MXRA8: variants seen among roughly 807,000 people sequenced by gnomAD.
The protein encoded by MXRA8 is matrix remodeling associated 8.
Under a neutral mutation model 51.4 loss-of-function variants are expected in MXRA8, and 44 were observed. The ratio of observed to expected loss-of-function variants is 0.86; its 90% CI spans 0.67 to 1.10. The LOEUF (loss-of-function observed/expected upper bound fraction) is 1.10, where lower values mean the gene tolerates loss of function less well. Ranked by LOEUF, MXRA8 falls within the 50% of genes least tolerant of loss-of-function variation. The probability of loss-of-function intolerance (pLI) is 0.00; values close to 1 mark genes in which losing one functional copy is unlikely to be tolerated. For missense variants in MXRA8, 765 were observed against 638.9 expected (o/e 1.20, Z -2.13); for synonymous variants, 369 against 293.5 (o/e 1.26, Z -2.63).
At chr1:1,361,189 G>C (rs753093886), upstream of MXRA8, 4 of 702,972 alleles carry the variant, frequency 5.7e-6, no homozygotes, top group African/African-American at 1.7e-5. Context: ...TCCACACACA[G>C]AAACAGAGAC....
upstream of MXRA8, chr1:1,359,072 G>C (rs909718807): frequency 1.0e-6 from 1 of 985,328 alleles, no homozygotes; most frequent in Admixed American, 6.1e-5. Context: ...CTTGGTACCC[G>C]TCTCCTCTGG....
At chr1:1,357,321 A>G (rs1169557330) in intron 1 of MXRA8, among the ~76,000 whole-genome samples, 1 of 152,140 alleles carries the variant, frequency 6.6e-6, no homozygotes, top group African/African-American at 2.4e-5. Flanking sequence ...CACCCGGGAC[A>G]GTTTCCAATT....
At chr1:1,355,369 G>T in intron 3 of MXRA8, 24 bp from the exon 4 acceptor site, 1 of 1,563,148 alleles carries the variant, frequency 6.4e-7, no homozygotes. Context: ...AGGAAGCCGC[G>T]CGTGAGCCTT....
Position 1,356,675 on chromosome 1 carries a change from A to C in MXRA8, c.73+6T>G. 1 of 1,404,244 alleles carries C rather than the reference A, an allele frequency of 7.1e-7. No homozygotes were observed. The highest frequency in any genetic ancestry group is 1.5e-5 in the African/African-American group (1 of 68,942). 87.0% of individuals were successfully genotyped at this position (1,404,244 alleles called of 1,614,324 possible). A position where few individuals can be genotyped will look rare whatever the true frequency, so the allele number is the denominator to read the frequency against. On this transcript the variant is annotated splice_donor_region_variant and intron_variant, in intron 2 of 9. Transcript: ENST00000309212. ...GGGGTGGGCAGCTGGGGCTGGGGTC[A>C]CTAACCTGAGTGCAGGAGAACAGCA...
At chr1:1,356,293 G>A (rs1387143851) in intron 2 of MXRA8, among the ~76,000 whole-genome samples, 3 of 145,222 alleles carry the variant, frequency 2.1e-5, no homozygotes, top group Non-Finnish European at 4.6e-5. Context: ...GACCCTAGTG[G>A]GGGATGGGGA....
upstream of MXRA8, chr1:1,359,355 CTG>C (rs1419731107): frequency 2.0e-6 from 2 of 985,454 alleles, no homozygotes; most frequent in Non-Finnish European, 1.2e-6. Flanking sequence ...AAATTTGAAA[CTG>C]TGGGAAAACT....
chr1:1,360,981 G>A (rs1644214668), upstream of MXRA8, among the ~76,000 whole-genome samples: 1 of 17,170 alleles, frequency 5.8e-5, no homozygotes, highest in African/African-American at 1.6e-4. Context: ...GAGATACACG[G>A]AAACACAGAC....
upstream of MXRA8, among the ~76,000 whole-genome samples, chr1:1,361,004 G>A (rs868024530): frequency 4.0e-5 from 6 of 150,886 alleles, no homozygotes; most frequent in African/African-American, 1.2e-4. Context: ...ATGCACACAC[G>A]CGAAGACACA....
At chr1:1,356,111 G>GCC (rs1285077032) in intron 2 of MXRA8, among the ~76,000 whole-genome samples, 1 of 85,024 alleles carries the variant, frequency 1.2e-5, no homozygotes, top group Non-Finnish European at 2.4e-5. Context: ...GGGGGTGTGG[G>GCC]CCCCTGAGGC....
chr1:1,361,577 G>A (rs373005888), upstream of MXRA8: 19 of 473,700 alleles, frequency 4.0e-5, no homozygotes, highest in African/African-American at 5.9e-5. Context: ...GTCTTGGGAC[G>A]CCAGGGACCC....
chr1:1,357,121 A>T (rs1046725506), intron 1 of MXRA8, among the ~76,000 whole-genome samples: 1 of 152,116 alleles, frequency 6.6e-6, no homozygotes, highest in Non-Finnish European at 1.5e-5. Flanking sequence ...ACCCCACACC[A>T]CACCTAAGGC....
chr1:1,358,305 G>C, intron 1 of MXRA8, 151 bp downstream of exon 1: 1 of 786,990 alleles, frequency 1.3e-6, no homozygotes, highest in Non-Finnish European at 1.9e-6. Flanking sequence ...TCTGGCAAGC[G>C]GCTCTCCCGA....
Position 1,353,503 on chromosome 1 carries a change from G to C in MXRA8, c.*101C>G. 6.6e-7 allele frequency: 1 copy of C among 1,510,308 alleles called. No individual in the cohort carries two copies. 93.6% of individuals were successfully genotyped at this position (1,510,308 alleles called of 1,614,324 possible). A position where few individuals can be genotyped will look rare whatever the true frequency, so the allele number is the denominator to read the frequency against. On this transcript the variant is annotated 3_prime_UTR_variant, in exon 10 of 10. Coordinates refer to ENST00000309212, the MANE Select transcript of MXRA8 (RefSeq NM_032348.4). ...GCCAAATTCCAGGAAAGCGGGACCA[G>C]CCGCTGGAAGGGGGGTGAGCCCCGG... is the stretch of plus-strand genomic sequence containing the variant.
upstream of MXRA8, chr1:1,361,132 C>G (rs377071532): frequency 4.3e-6 from 3 of 698,458 alleles, no homozygotes; most frequent in Non-Finnish European, 7.8e-6. Flanking sequence ...TGAAGACACA[C>G]GGACACACAG....
chr1:1,355,140 G>C lies in MXRA8; in HGVS notation c.491C>G (p.Pro164Arg). The C allele has an allele frequency of 7.0e-7, 1 of 1,432,418 alleles. No individual in the cohort carries two copies. Among genetic ancestry groups the C allele is most frequent in the African/African-American group, 1.5e-5 (1 of 66,728 alleles). 88.7% of individuals were successfully genotyped at this position (1,432,418 alleles called of 1,614,324 possible). A position where few individuals can be genotyped will look rare whatever the true frequency, so the allele number is the denominator to read the frequency against. ...LEVTDGPPAT[P>R]AYWDGEKEVL... is the part of the protein sequence containing the mutation. ...CTCCTTCTCGCCGTCCCAGTAGGCGGGGGTGGCCGGGGCTGCGGAGGGGGC... is the reference window on the plus strand; with the variant it reads ...CTCCTTCTCGCCGTCCCAGTAGGCGCGGGTGGCCGGGGCTGCGGAGGGGGC... Residue 164 changes from proline to arginine, a missense_variant, in exon 5 of 10, where the codon CCC (proline) becomes CGC (arginine). Transcript: ENST00000309212.
chr1:1,357,168 G>A (rs761400474), intron 1 of MXRA8, among the ~76,000 whole-genome samples: 1 of 152,216 alleles, frequency 6.6e-6, no homozygotes, highest in African/African-American at 2.4e-5. Flanking sequence ...CAGGGCAGAG[G>A]CCTGAAGGCT....
chr1:1,360,441 C>T (rs1644206632), upstream of MXRA8, among the ~76,000 whole-genome samples: 1 of 145,712 alleles, frequency 6.9e-6, no homozygotes, highest in African/African-American at 2.5e-5. Flanking sequence ...CCTCCCAGGG[C>T]CAGTGACCTG....
upstream of MXRA8, chr1:1,361,836 A>ACG (rs1557688849): frequency 5.0e-5 from 8 of 160,038 alleles, no homozygotes; most frequent in Admixed American, 1.8e-4. Flanking sequence ...AGGCTTCGGC[A>ACG]CCAGGAACCC....
Position 1,353,394 on chromosome 1 carries a change from T to G in MXRA8, c.*210A>C. On this transcript the variant is annotated 3_prime_UTR_variant, in exon 10 of 10. Transcript: ENST00000309212. ...TGCCAGGGGTGGGCAGGGCCACCCG[T>G]GAGCAAAGGCCGCAGGGGTGGGGGC... 2 of 1,537,746 alleles carry G rather than the reference T, an allele frequency of 1.3e-6. No homozygotes were observed. The highest frequency in any genetic ancestry group is 2.4e-5 in the South Asian group (2 of 83,102).
Sources: gnomAD v4.1 joint callset for allele counts (sites outside exome capture counted in the v4.1 genomes callset) on GRCh38, gnomAD v4.1.1 for gene constraint, MANE v1.5 for transcripts, NCBI Gene and HGNC (gene_info 2026-07-23, HGNC 2026-07-21) for gene names.